The following SPRED2 variants were observed in gnomAD, a reference collection of about 807,000 sequenced individuals.
SPRED2 encodes the protein sprouty related EVH1 domain containing 2, also known as sprouty-related, EVH1 domain-containing protein 2.
SPRED2 carries 47 observed loss-of-function variants against 43.0 expected under a neutral mutation model. The observed-to-expected ratio is 1.09, with a 90% confidence interval of 0.87 to 1.40. The LOEUF (loss-of-function observed/expected upper bound fraction) is 1.40. Ranked by LOEUF, SPRED2 falls within the 40% of genes most tolerant of loss-of-function variation. The pLI is 0.00. For missense variants in SPRED2, 561 were observed against 586.4 expected, an observed-to-expected ratio of 0.96 and a Z score of 0.45; for synonymous variants, 225 against 225.7, an observed-to-expected ratio of 1.00 and a Z score of 0.03.
At chr2:65,351,666 G>A (rs1358183483) in intron 1 of SPRED2, among the ~76,000 whole-genome samples, 4 of 152,062 alleles carry the variant, frequency 2.6e-5, no homozygotes, top group African/African-American at 4.8e-5. Context: ...TGATTTCATC[G>A]AATTATATGT....
rs1212067010 is a variant in SPRED2 at position 65,313,877 on chromosome 2, C to A, written c.881G>T (p.Arg294Leu). 6.2e-7 allele frequency: 1 copy of A among 1,610,496 alleles called. No homozygotes were observed. Residue 294 changes from arginine (R) to leucine (L), a missense_variant, in exon 6 of 6, where the codon CGG (arginine) becomes CTG (leucine). Coordinates refer to ENST00000356388, the MANE Select transcript of SPRED2 (RefSeq NM_181784.3). ...CTCCTTCCGCCGCCGCGACTTGCCC[C>A]GGGAGGGCTGCGTCTTGATCACGCT... ...GGSVIKTQPS[R>L]GKSRRRKEDG... is the part of the protein sequence containing the mutation.
chr2:65,423,980 G>A (rs752848924), intron 1 of SPRED2, among the ~76,000 whole-genome samples: 1 of 152,038 alleles, frequency 6.6e-6, no homozygotes, highest in African/African-American at 2.4e-5. Context: ...GTAGAGATGG[G>A]GTTTCTCCAT....
chr2:65,350,180 C>T (rs1439053830), intron 1 of SPRED2, among the ~76,000 whole-genome samples: 1 of 152,164 alleles, frequency 6.6e-6, no homozygotes, highest in Non-Finnish European at 1.5e-5. Context: ...AATTAAACAA[C>T]ATCTGTTTAA....
At chr2:65,395,301 G>T (rs1558682938) in intron 1 of SPRED2, among the ~76,000 whole-genome samples, 1 of 152,176 alleles carries the variant, frequency 6.6e-6, no homozygotes. Context: ...CCAGCTGAAT[G>T]GGCAGAGTGT....
intron 2 of SPRED2, among the ~76,000 whole-genome samples, chr2:65,343,749 T>C (rs1359417637): frequency 6.6e-6 from 1 of 152,220 alleles, no homozygotes; most frequent in Non-Finnish European, 1.5e-5. Context: ...AACTGAACAT[T>C]TGAGTTCCTC....
chr2:65,406,726 C>T (rs1558687481), intron 1 of SPRED2, among the ~76,000 whole-genome samples: 2 of 152,180 alleles, frequency 1.3e-5, no homozygotes, highest in Admixed American at 6.5e-5. Flanking sequence ...ATAGTAACAT[C>T]GTTTTCCTTT....
At position 65,393,536 on chromosome 2, in the gene SPRED2, T is replaced by C. The variant is rs146172589; in HGVS notation, c.26+38426A>G. On this transcript the variant is annotated intron_variant, in intron 1 of 5. Transcript: ENST00000356388. ...TTTTAGTAGAGACAGGGTTTCATCA[T>C]GTTGGCCAGGCTGGTCTCGAACTCC... 7.5e-4 allele frequency among the ~76,000 whole-genome samples: 114 copies of C among 152,202 alleles called. 2 individuals carry two copies. In the East Asian group the frequency reaches 0.021, roughly 28 times the overall value.
chr2:65,342,419 G>A (rs918023776), intron 2 of SPRED2, among the ~76,000 whole-genome samples: 1 of 146,966 alleles, frequency 6.8e-6, no homozygotes, highest in Non-Finnish European at 1.5e-5. Flanking sequence ...TTTTGTATAC[G>A]TATATTATAT....
In SPRED2 at chr2:65,355,703, G is replaced by A. The variant is rs559466276; in HGVS notation, c.27-10807C>T. ...TTGAGAGGCCAAAGTCTGAATCTAG[G>A]TTTATGATTTTGCTTTTATTGTCTG... On this transcript the variant is annotated intron_variant, in intron 1 of 5. Coordinates refer to ENST00000356388, the MANE Select transcript of SPRED2 (RefSeq NM_181784.3). Among the ~76,000 whole-genome samples the A allele has an allele frequency of 2.6e-4, 40 of 152,232 alleles. No individual in the cohort carries two copies. In the South Asian group the frequency reaches 7.9e-3, roughly 30 times the overall value.
chr2:65,383,169 G>C (rs890403899), intron 1 of SPRED2, among the ~76,000 whole-genome samples: 2 of 152,246 alleles, frequency 1.3e-5, no homozygotes, highest in Admixed American at 1.3e-4. Flanking sequence ...AAGGGCTCCA[G>C]AGGCAGGTGG....
chr2:65,357,945 G>T (rs2104304835), intron 1 of SPRED2, among the ~76,000 whole-genome samples: 1 of 151,666 alleles, frequency 6.6e-6, no homozygotes, highest in Middle Eastern at 3.4e-3. Context: ...TGACTTTTGA[G>T]ACCCTTTCAA....
At chr2:65,328,256 G>A (rs1047036522) in intron 4 of SPRED2, among the ~76,000 whole-genome samples, 2 of 152,180 alleles carry the variant, frequency 1.3e-5, no homozygotes, top group Non-Finnish European at 2.9e-5. Context: ...AGAGATGGCT[G>A]AGGTCTTAAG....
intron 1 of SPRED2, among the ~76,000 whole-genome samples, chr2:65,391,508 T>C (rs1178033007): frequency 6.6e-6 from 1 of 152,214 alleles, no homozygotes; most frequent in African/African-American, 2.4e-5. Context: ...CAGTTTTGTA[T>C]TGCCCATCTT....
At chr2:65,308,186 C>T (rs750963633), downstream of SPRED2, 1 of 560,740 alleles carries the variant, frequency 1.8e-6, no homozygotes, top group Non-Finnish European at 2.3e-6. Context: ...GAGGCGACCC[C>T]AAAGGCCAGA....
At position 65,312,596 on chromosome 2, in the gene SPRED2, T is replaced by C. The variant is rs1029002261; in HGVS notation, c.*905A>G. ...AGCAAAATTTCTTACTTCACTAGTA[T>C]CCTATTCTAATATTGCTAAATTTTT... On this transcript the variant is annotated 3_prime_UTR_variant, in exon 6 of 6. Coordinates refer to ENST00000356388, the MANE Select transcript of SPRED2 (RefSeq NM_181784.3). 1 of 985,658 alleles carries C rather than the reference T, an allele frequency of 1.0e-6. No homozygotes were observed. Among genetic ancestry groups the C allele is most frequent in the Admixed American group, 6.1e-5 (1 of 16,272 alleles). 61.1% of individuals were successfully genotyped at this position (985,658 alleles called of 1,614,324 possible).
chr2:65,401,937 G>GCGCGCGCA (rs776512353), intron 1 of SPRED2, among the ~76,000 whole-genome samples: 630 of 114,736 alleles, frequency 5.5e-3, no homozygotes, highest in Admixed American at 0.01. Flanking sequence ...GCGCGCGCGC[G>GCGCGCGCA]CACACACACA....
chr2:65,430,407 G>C (rs1676649487), intron 1 of SPRED2, among the ~76,000 whole-genome samples: 1 of 152,174 alleles, frequency 6.6e-6, no homozygotes, highest in South Asian at 2.1e-4. Context: ...GAAGGAAACT[G>C]AAATTCCCTT....
At chr2:65,322,208 A>G (rs1352906176) in intron 4 of SPRED2, among the ~76,000 whole-genome samples, 2 of 142,996 alleles carry the variant, frequency 1.4e-5, no homozygotes, top group African/African-American at 5.2e-5. Context: ...TTTGCTCACA[A>G]AAGATAGTTT....
At chr2:65,315,126 C>T (rs1042123892) in intron 5 of SPRED2, among the ~76,000 whole-genome samples, 1 of 152,030 alleles carries the variant, frequency 6.6e-6, no homozygotes, top group East Asian at 1.9e-4. Flanking sequence ...CCCTGGCTCA[C>T]CCAGGGCCTC....
Sources: gnomAD v4.1 joint callset for allele counts (sites outside exome capture counted in the v4.1 genomes callset) on GRCh38, gnomAD v4.1.1 for gene constraint, MANE v1.5 for transcripts, NCBI Gene and HGNC (gene_info 2026-07-23, HGNC 2026-07-21) for gene names.